Variants in TSGA10 observed in about 807,000 individuals in gnomAD.
TSGA10 encodes the protein testis specific 10, also known as testis-specific gene 10 protein.
Under a neutral mutation model 96.6 loss-of-function variants are expected in TSGA10, and 43 were observed. The ratio of observed to expected loss-of-function variants is 0.44; its 90% confidence interval spans 0.35 to 0.57. The LOEUF is 0.57. Among genes scored for constraint, TSGA10 ranks in the 20% least tolerant of loss-of-function variants. The pLI is 0.01. For synonymous variants in TSGA10, 229 were observed against 269.9 expected, an observed-to-expected ratio of 0.85 and a Z score of 1.48; for missense variants, 703 against 834.4, an observed-to-expected ratio of 0.84 and a Z score of 1.94.
chr2:99,090,750 C>T (rs1452762889), intron 10 of TSGA10, among the ~76,000 whole-genome samples: 1 of 152,036 alleles, frequency 6.6e-6, no homozygotes, highest in African/African-American at 2.4e-5. Flanking sequence ...AAAAAATGAA[C>T]AAAGCTTCCA....
intron 17 of TSGA10, among the ~76,000 whole-genome samples, chr2:99,027,783 GAC>G (rs2080762895): frequency 1.3e-5 from 2 of 152,088 alleles, no homozygotes; most frequent in South Asian, 4.1e-4. Flanking sequence ...TGCTCTAAAA[GAC>G]AGTTTCTTTT....
intron 14 of TSGA10, among the ~76,000 whole-genome samples, chr2:99,069,867 A>C (rs2085721497): frequency 1.3e-5 from 2 of 152,120 alleles, no homozygotes; most frequent in Admixed American, 1.3e-4. Flanking sequence ...GTTTGGAATG[A>C]TTTTTAATAA....
chr2:99,080,010 A>G (rs532766959), intron 11 of TSGA10, among the ~76,000 whole-genome samples: 1 of 152,324 alleles, frequency 6.6e-6, no homozygotes, highest in African/African-American at 2.4e-5. Flanking sequence ...CAAACAATCA[A>G]TACATCTCTA....
intron 10 of TSGA10, among the ~76,000 whole-genome samples, chr2:99,096,354 T>C (rs1050830563): frequency 2.6e-5 from 4 of 152,376 alleles, no homozygotes; most frequent in African/African-American, 9.6e-5. Flanking sequence ...TTTTACCCTT[T>C]ATGCTTTCAA....
chr2:99,096,298 T>C (rs1441517771), intron 10 of TSGA10, among the ~76,000 whole-genome samples: 1 of 152,226 alleles, frequency 6.6e-6, no homozygotes, highest in Non-Finnish European at 1.5e-5. Context: ...TTTTTATGTC[T>C]TGGCAAGTTG....
chr2:99,065,855 G>T (rs2085206010), intron 15 of TSGA10, among the ~76,000 whole-genome samples: 1 of 152,122 alleles, frequency 6.6e-6, no homozygotes, highest in Non-Finnish European at 1.5e-5. Flanking sequence ...CATGAGCAGA[G>T]TAACTGAAGT....
intron 15 of TSGA10, among the ~76,000 whole-genome samples, chr2:99,066,646 C>T (rs1367965749): frequency 6.6e-6 from 1 of 152,122 alleles, no homozygotes. Context: ...CCACCCAGTG[C>T]TCCCTCCTTC....
intron 16 of TSGA10, among the ~76,000 whole-genome samples, chr2:99,060,566 G>A (rs1055796355): frequency 6.6e-6 from 1 of 151,978 alleles, no homozygotes; most frequent in African/African-American, 2.4e-5. Flanking sequence ...ACCCCAAGTA[G>A]GTTTTTTTTC....
intron 9 of TSGA10, 64 bp from the exon 10 acceptor site, chr2:99,104,182 G>T (rs112843555): frequency 7.0e-6 from 11 of 1,568,814 alleles, no homozygotes; most frequent in Non-Finnish European, 8.7e-6. Context: ...CTTCCTGAAG[G>T]GCATACTCCC....
chr2:99,128,420 T>C (rs948423789), intron 1 of TSGA10, among the ~76,000 whole-genome samples: 1 of 152,096 alleles, frequency 6.6e-6, no homozygotes, highest in Non-Finnish European at 1.5e-5. Context: ...TTGCTAGTTA[T>C]AAACATGATT....
intron 16 of TSGA10, among the ~76,000 whole-genome samples, chr2:99,058,528 A>T (rs1241740641): frequency 6.8e-6 from 1 of 146,832 alleles, no homozygotes; most frequent in Non-Finnish European, 1.5e-5. Context: ...GAGAAAAATC[A>T]ATTAAATTAA....
chr2:99,003,722 T>C (rs2078190398), intron 20 of TSGA10, among the ~76,000 whole-genome samples: 1 of 152,160 alleles, frequency 6.6e-6, no homozygotes, highest in South Asian at 2.1e-4. Context: ...AATAACGAGA[T>C]GAAGGCAGAA....
intron 16 of TSGA10, among the ~76,000 whole-genome samples, chr2:99,048,183 G>A (rs1417058094): frequency 1.2e-4 from 18 of 152,208 alleles, no homozygotes; most frequent in Admixed American, 1.2e-3. Context: ...TCCCCATCAA[G>A]CTACCATTGA....
chr2:99,005,461 A>G (rs564246443), intron 20 of TSGA10, among the ~76,000 whole-genome samples: 20 of 152,348 alleles, frequency 1.3e-4, no homozygotes, highest in African/African-American at 4.6e-4. Flanking sequence ...ATACAAAATC[A>G]ATGTGCAAAA....
At chr2:99,062,674 G>A (rs923645574) in intron 16 of TSGA10, among the ~76,000 whole-genome samples, 1 of 152,208 alleles carries the variant, frequency 6.6e-6, no homozygotes, top group Admixed American at 6.5e-5. Flanking sequence ...ATTGGAGGCT[G>A]CGGTGAGCTA....
At chr2:99,084,546 C>T (rs1045296827) in intron 10 of TSGA10, among the ~76,000 whole-genome samples, 1 of 152,094 alleles carries the variant, frequency 6.6e-6, no homozygotes, top group African/African-American at 2.4e-5. Context: ...AATGCCAGCA[C>T]CATGCTTCCT....
rs979437136 is a variant in TSGA10 at position 99,090,250 on chromosome 2, A to G, written c.612-8853T>C. The stretch of plus-strand genomic sequence containing the variant: ...CATCAAGGGAGTACCCCATGGGACA[A>G]AAGAATCTGAACAGCAGCCCCTGAG... On this transcript the variant is annotated intron_variant, in intron 10 of 20. Transcript: ENST00000393483. Among the ~76,000 whole-genome samples the G allele has an allele frequency of 1.4e-4, 22 of 152,342 alleles. 1 individual carries two copies. The highest frequency in any genetic ancestry group is 1.6e-4 in the Non-Finnish European group (11 of 68,026).
rs1378210874 is a variant in TSGA10 at position 98,998,169 on chromosome 2, T to G, written c.*28A>C. On this transcript the variant is annotated 3_prime_UTR_variant, in exon 21 of 21. Transcript: ENST00000393483. ...AATCAGTTTGTAACTTTGACCTTTC[T>G]CAGGGATGTGAAGAATCATTTCAGG... The G allele has an allele frequency of 6.3e-7, 1 of 1,590,378 alleles. No individual in the cohort carries two copies. The highest frequency in any genetic ancestry group is 8.5e-7 in the Non-Finnish European group (1 of 1,171,620).
At chr2:99,113,548 TTTG>T (rs1034661985) in intron 4 of TSGA10, among the ~76,000 whole-genome samples, 17 of 152,084 alleles carry the variant, frequency 1.1e-4, no homozygotes, top group Admixed American at 2.0e-4. Context: ...AATCAGCTTT[TTTG>T]TTGTTGTTTT....
Sources: allele counts gnomAD v4.1 joint callset (sites outside exome capture counted in the v4.1 genomes callset), GRCh38; gene constraint gnomAD v4.1.1; transcripts MANE v1.5; gene names NCBI Gene and HGNC (gene_info 2026-07-23, HGNC 2026-07-21).